FSIP1: variants seen among roughly 807,000 people sequenced by gnomAD.
FSIP1 encodes fibrous sheath-interacting protein 1.
A neutral mutation model predicts 60.9 loss-of-function variants in FSIP1; 65 were observed. The ratio of observed to expected loss-of-function variants is 1.07; its 90% CI spans 0.87 to 1.31. The LOEUF (loss-of-function observed/expected upper bound fraction) is 1.31, where lower values mean the gene tolerates loss of function less well. Among genes scored for constraint, FSIP1 ranks in the 40% most tolerant of loss-of-function variants. The pLI, the probability that FSIP1 is intolerant of heterozygous loss-of-function variation, is 0.00. For synonymous variants in FSIP1, 209 were observed against 221.2 expected (o/e 0.94, Z 0.49); for missense variants, 675 against 665.5 (o/e 1.01, Z -0.16).
chr15:39,679,380 C>G (rs985632046), intron 10 of FSIP1, among the ~76,000 whole-genome samples: 1 of 152,126 alleles, frequency 6.6e-6, no homozygotes, highest in African/African-American at 2.4e-5. Flanking sequence ...AAGAGAATAC[C>G]CAAATTCTGG....
intron 5 of FSIP1, among the ~76,000 whole-genome samples, chr15:39,753,248 T>C (rs183131548): frequency 2.7e-4 from 41 of 152,234 alleles, no homozygotes; most frequent in Middle Eastern, 3.4e-3. Context: ...TCTTTCAAAT[T>C]TGAAGGGAAC....
chr15:39,758,553 T>C (rs979414969), intron 5 of FSIP1, among the ~76,000 whole-genome samples: 1 of 152,082 alleles, frequency 6.6e-6, no homozygotes, highest in Non-Finnish European at 1.5e-5. Flanking sequence ...TATGAAGGTA[T>C]AGAATTACTG....
chr15:39,771,380 C>T (rs183403926), intron 2 of FSIP1, among the ~76,000 whole-genome samples: 3 of 152,318 alleles, frequency 2.0e-5, no homozygotes, highest in African/African-American at 7.2e-5. Context: ...CATCTGCTCT[C>T]AGCCCTCTGT....
chr15:39,709,344 C>T (rs935345729), intron 10 of FSIP1, among the ~76,000 whole-genome samples: 1 of 152,182 alleles, frequency 6.6e-6, no homozygotes, highest in Admixed American at 6.5e-5. Flanking sequence ...CATTCAGAAA[C>T]CACATTCTCT....
Position 39,743,013 on chromosome 15 carries a change from C to T in FSIP1, c.560-1113G>A, listed in dbSNP as rs547714910. Among the ~76,000 whole-genome samples the T allele has an allele frequency of 2.0e-5, 3 of 152,254 alleles. No homozygotes were observed. The South Asian group carries it at 6.2e-4, about 32-fold the overall frequency. On this transcript the variant is annotated intron_variant, in intron 5 of 11. Transcript: ENST00000350221. ...CTATTATTAGGGGGTCTTCAATATT[C>T]ATTAAAAGTAGGCTCAGCAAGTCAG...
chr15:39,677,532 C>G (rs1306326525), intron 10 of FSIP1, among the ~76,000 whole-genome samples: 1 of 151,966 alleles, frequency 6.6e-6, no homozygotes, highest in Admixed American at 6.6e-5. Context: ...TTTTCACACC[C>G]CTTTAAACCA....
intron 10 of FSIP1, among the ~76,000 whole-genome samples, chr15:39,708,187 T>C (rs1048763058): frequency 7.2e-5 from 11 of 152,150 alleles, no homozygotes; most frequent in Admixed American, 1.3e-4. Flanking sequence ...GGGAACCAAC[T>C]AGGCAAGCTG....
intron 1 of FSIP1, among the ~76,000 whole-genome samples, chr15:39,779,108 A>G: frequency 6.6e-6 from 1 of 152,174 alleles, no homozygotes; most frequent in East Asian, 1.9e-4. Flanking sequence ...CAAAGATGAT[A>G]TACAAAAGGT....
chr15:39,736,906 G>C (rs1896630047), intron 8 of FSIP1, among the ~76,000 whole-genome samples: 1 of 152,126 alleles, frequency 6.6e-6, no homozygotes, highest in South Asian at 2.1e-4. Flanking sequence ...TTAGGTAAGG[G>C]GCCTAGGGTG....
chr15:39,641,616 G>A (rs1043539270), intron 10 of FSIP1, among the ~76,000 whole-genome samples: 4 of 152,178 alleles, frequency 2.6e-5, no homozygotes, highest in Admixed American at 2.6e-4. Context: ...TCCAGTGAAA[G>A]TCGTTTTCCT....
At chr15:39,629,512 GC>G (rs1891791470) in intron 10 of FSIP1, among the ~76,000 whole-genome samples, 1 of 152,196 alleles carries the variant, frequency 6.6e-6, no homozygotes, top group African/African-American at 2.4e-5. Context: ...AGGGGCACGT[GC>G]CCCATTAGTC....
chr15:39,706,942 G>A (rs1438857175), intron 10 of FSIP1, among the ~76,000 whole-genome samples: 2 of 152,174 alleles, frequency 1.3e-5, no homozygotes, highest in Non-Finnish European at 2.9e-5. Context: ...TAGGCAGATG[G>A]TATTCTAATC....
intron 2 of FSIP1, among the ~76,000 whole-genome samples, chr15:39,774,944 C>A (rs1898004662): frequency 6.6e-6 from 1 of 152,204 alleles, no homozygotes; most frequent in South Asian, 2.1e-4. Context: ...CCTCCCTGAA[C>A]TCCCTTTCTT....
intron 10 of FSIP1, among the ~76,000 whole-genome samples, chr15:39,641,863 G>C (rs1242717620): frequency 6.6e-6 from 1 of 152,096 alleles, no homozygotes; most frequent in Non-Finnish European, 1.5e-5. Flanking sequence ...AGATTACCCA[G>C]CTGCTGTGTA....
chr15:39,670,232 T>C (rs999366785), intron 10 of FSIP1, among the ~76,000 whole-genome samples: 2 of 152,192 alleles, frequency 1.3e-5, no homozygotes, highest in Admixed American at 1.3e-4. Flanking sequence ...ACGTCCAGAA[T>C]GTATTCATTC....
At chr15:39,692,068 A>T (rs1029224656) in intron 10 of FSIP1, among the ~76,000 whole-genome samples, 9 of 141,732 alleles carry the variant, frequency 6.4e-5, no homozygotes, top group African/African-American at 1.0e-4. Context: ...GAAAAAAAAA[A>T]TTTTTAATGC....
chr15:39,780,315 AG>A (rs752422322), intron 1 of FSIP1, among the ~76,000 whole-genome samples: 63 of 152,244 alleles, frequency 4.1e-4, no homozygotes, highest in Admixed American at 1.6e-3. Context: ...CGAGGTCAGG[AG>A]GATCAAGAAC....
At chr15:39,732,243 C>T (rs993489040) in intron 8 of FSIP1, among the ~76,000 whole-genome samples, 1 of 152,232 alleles carries the variant, frequency 6.6e-6, no homozygotes, top group African/African-American at 2.4e-5. Flanking sequence ...TCCGGCTGTG[C>T]AGCCCAGTTC....
chr15:39,668,469 T>G (rs1474662118), intron 10 of FSIP1, among the ~76,000 whole-genome samples: 1 of 152,212 alleles, frequency 6.6e-6, no homozygotes, highest in Non-Finnish European at 1.5e-5. Context: ...TGTCTTCAAG[T>G]TGAAATTTTC....
Sources: gnomAD v4.1 joint callset for allele counts (sites outside exome capture counted in the v4.1 genomes callset) on GRCh38, gnomAD v4.1.1 for gene constraint, MANE v1.5 for transcripts, NCBI Gene and HGNC (gene_info 2026-07-23, HGNC 2026-07-21) for gene names.